ESF1: variants seen among roughly 807,000 people sequenced by gnomAD.
ESF1 encodes ESF1 nucleolar pre-rRNA processing protein.
A neutral mutation model predicts 92.0 loss-of-function variants in ESF1; 58 were observed. The ratio of observed to expected loss-of-function variants is 0.63; its 90% CI spans 0.51 to 0.78. The LOEUF is 0.78. Ranked by LOEUF, ESF1 falls within the 30% of genes least tolerant of loss-of-function variation. The pLI is 0.00. For missense variants in ESF1, 922 were observed against 989.1 expected (o/e 0.93, Z 0.91); for synonymous variants, 321 against 313.7 (o/e 1.02, Z -0.24).
chr20:13,722,551 T>TA (rs2147720304), intron 11 of ESF1, among the ~76,000 whole-genome samples: 1 of 152,266 alleles, frequency 6.6e-6, no homozygotes, highest in African/African-American at 2.4e-5. Context: ...TTTTGTCAAG[T>TA]AAGGAACCAC....
intron 1 of ESF1, among the ~76,000 whole-genome samples, chr20:13,784,399 G>A (rs1017111729): frequency 6.6e-6 from 1 of 151,732 alleles, no homozygotes; most frequent in African/African-American, 2.4e-5. Context: ...CACATTTTTC[G>A]ATGTATTACA....
At chr20:13,715,343 C>T (rs942985658) in intron 13 of ESF1, among the ~76,000 whole-genome samples, 176 bp from the exon 14 acceptor site, 1 of 152,014 alleles carries the variant, frequency 6.6e-6, no homozygotes, top group Admixed American at 6.6e-5. Flanking sequence ...TATGGCCTAC[C>T]TTTGGACCAC....
chr20:13,716,601 G>C (rs2147712946), intron 13 of ESF1, among the ~76,000 whole-genome samples: 1 of 151,412 alleles, frequency 6.6e-6, no homozygotes, highest in East Asian at 1.9e-4. Flanking sequence ...GTAGCCTTTG[G>C]CTCCACCATC....
intron 9 of ESF1, among the ~76,000 whole-genome samples, chr20:13,747,293 G>T (rs2050056403): frequency 6.6e-6 from 1 of 151,184 alleles, no homozygotes; most frequent in Non-Finnish European, 1.5e-5. Context: ...GGGCATGGTG[G>T]CTTATGTCTG....
chr20:13,718,837 G>T, intron 12 of ESF1, 71 bp downstream of exon 12: 1 of 1,059,862 alleles, frequency 9.4e-7, no homozygotes, highest in Non-Finnish European at 1.3e-6. Context: ...TAAAATTAGT[G>T]ACATGTACAA....
chr20:13,757,745 C>T (rs1285517148), intron 9 of ESF1, among the ~76,000 whole-genome samples: 1 of 152,150 alleles, frequency 6.6e-6, no homozygotes, highest in African/African-American at 2.4e-5. Flanking sequence ...ATGTGGTCCA[C>T]TTAGTGTGGG....
chr20:13,733,626 T>C, intron 10 of ESF1, 95 bp downstream of exon 10: 2 of 1,289,242 alleles, frequency 1.6e-6, no homozygotes, highest in Non-Finnish European at 2.1e-6. Flanking sequence ...CTTCAGTGAG[T>C]GGTTACATTT....
chr20:13,771,614 G>A (rs1979687664), intron 5 of ESF1, 131 bp from the exon 6 acceptor site: 4 of 681,384 alleles, frequency 5.9e-6, no homozygotes, highest in African/African-American at 5.4e-5. Context: ...TTTCCTTCAT[G>A]ACTTTGCCTT....
At chr20:13,745,145 A>G (rs1042606679) in intron 9 of ESF1, among the ~76,000 whole-genome samples, 5 of 152,210 alleles carry the variant, frequency 3.3e-5, no homozygotes, top group Admixed American at 6.5e-5. Context: ...ATGGGAACTC[A>G]CACTACTGGT....
intron 9 of ESF1, among the ~76,000 whole-genome samples, chr20:13,753,731 C>G (rs1013941463): frequency 3.9e-5 from 6 of 152,062 alleles, no homozygotes; most frequent in Non-Finnish European, 8.8e-5. Flanking sequence ...ATGTGATTAC[C>G]CAAAGTTGCA....
chr20:13,782,598 G>A lies in ESF1; in HGVS notation c.543C>T (p.Leu181=), dbSNP rs202013819. The A allele has an allele frequency of 3.8e-5, 61 of 1,595,542 alleles. No homozygotes were observed. The East Asian group carries it at 8.6e-4, about 22-fold the overall frequency. Residue 181 remains leucine (L), a synonymous_variant, in exon 2 of 14, where the codon CTC becomes CTT. Transcript: ENST00000617257. ...AGTCTAATGTCCTTTGTTTTTCTTC[G>A]AGAGAAGAGTCTGTAGTATGTTGAA... The part of the protein sequence containing the change: ...NIVQHTTDSS[L]EEKQRTLDSG...
intron 9 of ESF1, among the ~76,000 whole-genome samples, chr20:13,745,762 A>G (rs1174042020): frequency 6.6e-6 from 1 of 151,694 alleles, no homozygotes; most frequent in Non-Finnish European, 1.5e-5. Context: ...CAGAATGTTT[A>G]CTTTTTAAAA....
intron 9 of ESF1, among the ~76,000 whole-genome samples, chr20:13,750,670 C>G (rs757813996): frequency 6.6e-6 from 1 of 152,152 alleles, no homozygotes; most frequent in Non-Finnish European, 1.5e-5. Context: ...CCAGTTGGCA[C>G]AACAAATTAA....
chr20:13,770,322 G>A (rs998896417), intron 6 of ESF1, among the ~76,000 whole-genome samples: 5 of 152,158 alleles, frequency 3.3e-5, no homozygotes, highest in African/African-American at 7.2e-5. Context: ...GGTCCCTCAC[G>A]TTTCAAAAAG....
chr20:13,752,658 C>T lies in ESF1; in HGVS notation c.1828+7034G>A, dbSNP rs79274023. On this transcript the variant is annotated intron_variant, in intron 9 of 13. Coordinates refer to ENST00000617257, the MANE Select transcript of ESF1 (RefSeq NM_001276380.2). The stretch of plus-strand genomic sequence containing the variant: ...AACTAATTCAAAAACATTTTTACTT[C>T]TAAATAAAAAGAATGAATAATACAA... Among the ~76,000 whole-genome samples, 5 of 152,210 alleles carry T rather than the reference C, an allele frequency of 3.3e-5. No homozygotes were observed. The East Asian group carries it at 5.8e-4, about 18-fold the overall frequency.
chr20:13,727,512 C>T lies in ESF1; in HGVS notation c.2038+866G>A, dbSNP rs1015470714. 1.6e-4 allele frequency among the ~76,000 whole-genome samples: 24 copies of T among 152,152 alleles called. No individual in the cohort carries two copies. In the East Asian group the frequency reaches 3.7e-3, roughly 23 times the overall value. Reference sequence around the variant, plus strand: ...AAACTCCTTCTCTTTACAATGCCAGCGTGGAGTTGCTCCAGGAGCAAGCCT... The same window carrying T: ...AAACTCCTTCTCTTTACAATGCCAGTGTGGAGTTGCTCCAGGAGCAAGCCT... On this transcript the variant is annotated intron_variant, in intron 11 of 13. Transcript: ENST00000617257.
At chr20:13,731,935 G>T (rs2049946208) in intron 10 of ESF1, among the ~76,000 whole-genome samples, 9 of 152,210 alleles carry the variant, frequency 5.9e-5, no homozygotes, top group Admixed American at 5.9e-4. Context: ...AGGCATGGAA[G>T]CTCCACAGCC....
In ESF1 at chr20:13,735,972, A is replaced by G. The variant is rs187933830; in HGVS notation, c.1829-2130T>C. On this transcript the variant is annotated intron_variant, in intron 9 of 13. Transcript: ENST00000617257. ...ACTGTACTGGAAAAACTTGCATCCA[A>G]TGTTCAGGAGGTTTATGACTATCCA... is the stretch of plus-strand genomic sequence containing the variant. Among the ~76,000 whole-genome samples, 46 of 152,246 alleles carry G rather than the reference A, an allele frequency of 3.0e-4. 1 individual carries two copies. The East Asian group carries it at 4.1e-3, about 13-fold the overall frequency.
At position 13,784,679 on chromosome 20, in the gene ESF1, A is replaced by T. The variant is rs553115505; in HGVS notation, c.-44+201T>A. 1.3e-5 allele frequency: 3 copies of T among 229,098 alleles called. No individual in the cohort carries two copies. The South Asian group carries it at 1.6e-4, about 12-fold the overall frequency. 14.2% of individuals were successfully genotyped at this position (229,098 alleles called of 1,614,324 possible). A position where few individuals can be genotyped will look rare whatever the true frequency, so the allele number is the denominator to read the frequency against. ...CCTGTACCGCAGGGGGGCAGCTAAC[A>T]GACTGATTCGAGAAGCGACCCTGAA... On this transcript the variant is annotated intron_variant, in intron 1 of 13. Transcript: ENST00000617257.
Sources: gnomAD v4.1 joint callset for allele counts (sites outside exome capture counted in the v4.1 genomes callset) on GRCh38, gnomAD v4.1.1 for gene constraint, MANE v1.5 for transcripts, NCBI Gene and HGNC (gene_info 2026-07-23, HGNC 2026-07-21) for gene names.